Variants in IMMP2L observed in about 807,000 individuals in gnomAD.
IMMP2L encodes the protein mitochondrial inner membrane protease subunit 2.
IMMP2L carries 18 observed loss-of-function variants against 19.3 expected under a neutral mutation model. The ratio of observed to expected loss-of-function variants is 0.93; its 90% CI spans 0.64 to 1.38. IMMP2L has a LOEUF of 1.38. IMMP2L is among the 40% of genes most tolerant of loss of function. The pLI, the probability that IMMP2L is intolerant of heterozygous loss-of-function variation, is 0.00. For missense variants in IMMP2L, 233 were observed against 218.2 expected (o/e 1.07, Z -0.43); for synonymous variants, 76 against 73.0 (o/e 1.04, Z -0.21).
chr7:111,301,297 AT>A (rs1822211384), intron 3 of IMMP2L, among the ~76,000 whole-genome samples: 1 of 147,154 alleles, frequency 6.8e-6, no homozygotes, highest in Non-Finnish European at 1.5e-5. Context: ...TGAATTGTTT[AT>A]TTTTTGCAGT....
At chr7:111,253,793 C>T (rs908584474) in intron 3 of IMMP2L, among the ~76,000 whole-genome samples, 21 of 152,050 alleles carry the variant, frequency 1.4e-4, no homozygotes, top group Non-Finnish European at 2.8e-4. Flanking sequence ...CAAAGTCAAA[C>T]GCCTACAAAA....
chr7:110,914,458 A>T (rs1813376553), intron 4 of IMMP2L, among the ~76,000 whole-genome samples: 1 of 152,158 alleles, frequency 6.6e-6, no homozygotes, highest in South Asian at 2.1e-4. Context: ...TTTTTCTTCA[A>T]AAAGTGATGT....
intron 5 of IMMP2L, among the ~76,000 whole-genome samples, chr7:110,715,209 T>G (rs1795160313): frequency 6.6e-6 from 1 of 152,194 alleles, no homozygotes; most frequent in South Asian, 2.1e-4. Flanking sequence ...GTTCATCCTT[T>G]TAAAGAACCA....
intron 3 of IMMP2L, among the ~76,000 whole-genome samples, chr7:111,382,342 T>C (rs560960068): frequency 1.3e-4 from 20 of 151,248 alleles, no homozygotes; most frequent in Non-Finnish European, 7.4e-5. Flanking sequence ...TTGAAAAGTA[T>C]ACACAATGCC....
At chr7:111,218,767 C>A (rs1044763456) in intron 3 of IMMP2L, among the ~76,000 whole-genome samples, 7 of 151,986 alleles carry the variant, frequency 4.6e-5, no homozygotes, top group African/African-American at 1.7e-4. Context: ...CAATGTCACT[C>A]ACTTGGTTAG....
intron 5 of IMMP2L, among the ~76,000 whole-genome samples, chr7:110,850,256 C>T (rs368420931): frequency 3.9e-5 from 6 of 152,050 alleles, no homozygotes; most frequent in African/African-American, 1.4e-4. Context: ...TAGGAACCAG[C>T]GATCCCTAGC....
intron 3 of IMMP2L, among the ~76,000 whole-genome samples, chr7:110,967,467 A>G (rs1819665323): frequency 6.6e-6 from 1 of 151,978 alleles, no homozygotes; most frequent in African/African-American, 2.4e-5. Context: ...TCTCCCATTT[A>G]TGATAAAATT....
At chr7:111,263,218 G>C (rs1001804462) in intron 3 of IMMP2L, among the ~76,000 whole-genome samples, 3 of 152,078 alleles carry the variant, frequency 2.0e-5, no homozygotes, top group Non-Finnish European at 4.4e-5. Flanking sequence ...GAAATAAGGA[G>C]ACTAGTTAGG....
chr7:111,476,889 T>C (rs2132160333), intron 3 of IMMP2L, among the ~76,000 whole-genome samples: 1 of 152,278 alleles, frequency 6.6e-6, no homozygotes, highest in Non-Finnish European at 1.5e-5. Flanking sequence ...GCACTGGACC[T>C]ACATGGATAA....
At chr7:111,225,383 A>C (rs1344972546) in intron 3 of IMMP2L, among the ~76,000 whole-genome samples, 6 of 152,116 alleles carry the variant, frequency 3.9e-5, no homozygotes, top group Non-Finnish European at 7.4e-5. Flanking sequence ...TTTATGCTGT[A>C]TAATAAAATG....
chr7:110,751,382 G>A (rs1584719664), intron 5 of IMMP2L, among the ~76,000 whole-genome samples: 1 of 151,688 alleles, frequency 6.6e-6, no homozygotes, highest in East Asian at 1.9e-4. Flanking sequence ...TTTTTCCATT[G>A]TCTAGATGTT....
At chr7:111,349,455 T>C (rs553503383) in intron 3 of IMMP2L, among the ~76,000 whole-genome samples, 61 of 152,284 alleles carry the variant, frequency 4.0e-4, no homozygotes, top group African/African-American at 1.4e-3. Flanking sequence ...GAGCAAAGTT[T>C]AACCAAATGC....
chr7:110,692,255 T>C (rs547056038), intron 5 of IMMP2L, among the ~76,000 whole-genome samples: 1 of 152,266 alleles, frequency 6.6e-6, no homozygotes, highest in East Asian at 1.9e-4. Flanking sequence ...GAAAACCAAA[T>C]ACCATACGTT....
intron 3 of IMMP2L, among the ~76,000 whole-genome samples, chr7:110,984,669 T>G (rs531962630): frequency 6.6e-6 from 1 of 152,134 alleles, no homozygotes; most frequent in Non-Finnish European, 1.5e-5. Flanking sequence ...AATATTTTGT[T>G]GATAAAAGAC....
chr7:111,465,636 C>T (rs2132049619), intron 3 of IMMP2L, among the ~76,000 whole-genome samples: 1 of 151,828 alleles, frequency 6.6e-6, no homozygotes, highest in Admixed American at 6.6e-5. Context: ...TACCATCTCA[C>T]ACCAGTTAAA....
At chr7:110,752,662 G>A (rs897934723) in intron 5 of IMMP2L, among the ~76,000 whole-genome samples, 3 of 151,938 alleles carry the variant, frequency 2.0e-5, no homozygotes, top group African/African-American at 7.2e-5. Flanking sequence ...CTGCTTCAGG[G>A]ACAAACTGGT....
intron 5 of IMMP2L, among the ~76,000 whole-genome samples, chr7:110,730,301 A>C (rs1796176730): frequency 6.6e-6 from 1 of 152,116 alleles, no homozygotes; most frequent in Non-Finnish European, 1.5e-5. Context: ...GGCAGAAGAC[A>C]ATGGAAAGAG....
At chr7:111,032,559 C>T (rs1052089746) in intron 3 of IMMP2L, among the ~76,000 whole-genome samples, 2 of 152,106 alleles carry the variant, frequency 1.3e-5, no homozygotes, top group Non-Finnish European at 2.9e-5. Flanking sequence ...CAGTGGCTTA[C>T]ACCTGTAATC....
chr7:111,419,217 A>G (rs1317131977), intron 3 of IMMP2L, among the ~76,000 whole-genome samples: 1 of 151,878 alleles, frequency 6.6e-6, no homozygotes, highest in Non-Finnish European at 1.5e-5. Context: ...ATTTTGAATT[A>G]TTAATTAAAA....
Sources: allele counts gnomAD v4.1 joint callset (sites outside exome capture counted in the v4.1 genomes callset), GRCh38; gene constraint gnomAD v4.1.1; transcripts MANE v1.5; gene names NCBI Gene and HGNC (gene_info 2026-07-23, HGNC 2026-07-21).